The following KIF16B variants were observed in gnomAD, a reference collection of about 807,000 sequenced individuals.
KIF16B encodes the protein kinesin family member 16B.
KIF16B carries 98 observed loss-of-function variants against 156.3 expected under a neutral mutation model. The ratio of observed to expected loss-of-function variants is 0.63; its 90% CI spans 0.53 to 0.74. KIF16B has a LOEUF of 0.74. Ranked by LOEUF, KIF16B falls within the 30% of genes least tolerant of loss-of-function variation. The pLI is 0.00. For synonymous variants in KIF16B, 564 were observed against 583.7 expected, an observed-to-expected ratio of 0.97 and a Z score of 0.49; for missense variants, 1,421 against 1,606.5, an observed-to-expected ratio of 0.88 and a Z score of 1.97.
chr20:16,462,197 T>C (rs6043965), intron 12 of KIF16B, among the ~76,000 whole-genome samples: 50,881 of 151,692 alleles, frequency 0.34, 9,524 homozygotes, highest in African/African-American at 0.5. Flanking sequence ...GCCAAGATTG[T>C]GCCATTGCAC....
At chr20:16,508,639 G>A (rs534573108) in intron 6 of KIF16B, among the ~76,000 whole-genome samples, 5 of 152,188 alleles carry the variant, frequency 3.3e-5, no homozygotes, top group Middle Eastern at 6.8e-3. Context: ...AGATAGTAAC[G>A]CTTGCTCCCT....
At chr20:16,283,821 G>C (rs1219933882) in intron 25 of KIF16B, among the ~76,000 whole-genome samples, 1 of 152,126 alleles carries the variant, frequency 6.6e-6, no homozygotes, top group Non-Finnish European at 1.5e-5. Flanking sequence ...GGAAGCCCTG[G>C]GGAAGAACCA....
In KIF16B at chr20:16,374,258, TG is replaced by T; in HGVS notation, c.3348del (p.Arg1117GlyfsTer20). ...EKSHLVPLMDARINAYIEEEV... is the reference protein window; with the variant it reads ...EKSHLVPLMDXRINAYIEEEV... Reference sequence around the variant, plus strand: ...TGGAATCACTTTCATGTCCAGTACCTGGCATCCATGAGGGGAACCAGGTGTG... The same window carrying T: ...TGGAATCACTTTCATGTCCAGTACCTGCATCCATGAGGGGAACCAGGTGTG... On this transcript the variant is annotated frameshift_variant and splice_region_variant, in exon 20 of 26. Transcript: ENST00000354981. LOFTEE classifies it high-confidence loss of function. The T allele has an allele frequency of 6.4e-7, 1 of 1,566,276 alleles. No individual in the cohort carries two copies. Among genetic ancestry groups the T allele is most frequent in the Non-Finnish European group, 8.7e-7 (1 of 1,153,260 alleles).
At chr20:16,484,328 T>C (rs1263364651) in intron 12 of KIF16B, among the ~76,000 whole-genome samples, 1 of 152,234 alleles carries the variant, frequency 6.6e-6, no homozygotes, top group Non-Finnish European at 1.5e-5. Context: ...TGGGAATAGC[T>C]CAGCTCAGCC....
intron 10 of KIF16B, among the ~76,000 whole-genome samples, chr20:16,502,433 T>A (rs1000789583): frequency 6.6e-6 from 1 of 152,224 alleles, no homozygotes; most frequent in Admixed American, 6.5e-5. Context: ...CATAGCACGA[T>A]AAATTATTTT....
chr20:16,338,939 T>C (rs2064091256), intron 23 of KIF16B, among the ~76,000 whole-genome samples: 2 of 152,262 alleles, frequency 1.3e-5, no homozygotes, highest in South Asian at 4.2e-4. Flanking sequence ...CAGGGAATAA[T>C]GGGAAGAAAT....
intron 23 of KIF16B, among the ~76,000 whole-genome samples, chr20:16,340,632 G>C (rs2064124094): frequency 6.6e-6 from 1 of 152,192 alleles, no homozygotes; most frequent in African/African-American, 2.4e-5. Context: ...ACAAAATCAG[G>C]ATAAAGGAAC....
In KIF16B at chr20:16,573,413, T is replaced by G; in HGVS notation, c.-138A>C. 8.5e-6 allele frequency: 8 copies of G among 943,344 alleles called. No homozygotes were observed. Among genetic ancestry groups the G allele is most frequent in the Non-Finnish European group, 1.1e-5 (7 of 630,658 alleles). 58.4% of individuals were successfully genotyped at this position (943,344 alleles called of 1,614,324 possible). A position where few individuals can be genotyped will look rare whatever the true frequency, so the allele number is the denominator to read the frequency against. ...CCTCTGCTCCCGGCCGGACCTGGAG[T>G]TCCGCGGCAGCCCCACCTGCCAGGC... On this transcript the variant is annotated 5_prime_UTR_variant, in exon 1 of 26. Transcript: ENST00000354981.
At chr20:16,445,445 T>TGTGTGTGTGTGTG (rs1568542633) in intron 12 of KIF16B, among the ~76,000 whole-genome samples, 1 of 151,316 alleles carries the variant, frequency 6.6e-6, no homozygotes, top group African/African-American at 2.4e-5. Context: ...TGTGTGTGTG[T>TGTGTGTGTGTGTG]TTTAATCTAA....
chr20:16,502,430 C>T lies in KIF16B; in HGVS notation c.1176+1942G>A, dbSNP rs578005689. 1.4e-4 allele frequency among the ~76,000 whole-genome samples: 21 copies of T among 152,070 alleles called. No homozygotes were observed. The South Asian group carries it at 3.9e-3, about 29-fold the overall frequency. ...CAAAACAATTTACAGCTTCATAGCA[C>T]GATAAATTATTTTAAATTGGATTCA... On this transcript the variant is annotated intron_variant, in intron 10 of 25. Transcript: ENST00000354981.
chr20:16,344,114 A>C (rs891312727), intron 23 of KIF16B, among the ~76,000 whole-genome samples: 4 of 152,198 alleles, frequency 2.6e-5, no homozygotes, highest in Admixed American at 1.3e-4. Flanking sequence ...ATTCTACTGA[A>C]AGTCTTATGC....
intron 12 of KIF16B, among the ~76,000 whole-genome samples, chr20:16,487,643 T>A (rs2068160268): frequency 6.6e-6 from 1 of 152,158 alleles, no homozygotes; most frequent in Non-Finnish European, 1.5e-5. Flanking sequence ...ACTCAGAACA[T>A]CTTAAGCCGG....
intron 22 of KIF16B, chr20:16,366,750 G>A (rs1485291144): frequency 5.2e-6 from 4 of 767,412 alleles, no homozygotes; most frequent in East Asian, 1.2e-4. Flanking sequence ...CTGCTAGACT[G>A]GGCACTTTTT....
intron 1 of KIF16B, among the ~76,000 whole-genome samples, chr20:16,555,331 A>G (rs1257227327): frequency 6.7e-6 from 1 of 149,884 alleles, no homozygotes; most frequent in Non-Finnish European, 1.5e-5. Flanking sequence ...CAGAAGACAG[A>G]GTGCCACGTA....
At chr20:16,297,457 C>T (rs1328352910) in intron 25 of KIF16B, among the ~76,000 whole-genome samples, 1 of 152,170 alleles carries the variant, frequency 6.6e-6, no homozygotes, top group African/African-American at 2.4e-5. Flanking sequence ...CTTGGGGAGG[C>T]TGAGGCGGGC....
At chr20:16,448,666 C>A (rs754808961) in intron 12 of KIF16B, among the ~76,000 whole-genome samples, 3 of 152,176 alleles carry the variant, frequency 2.0e-5, no homozygotes, top group African/African-American at 7.2e-5. Context: ...CAGCAAGCAA[C>A]AACCACTGGC....
chr20:16,434,064 A>T (rs1042996887), intron 12 of KIF16B, among the ~76,000 whole-genome samples: 4 of 151,628 alleles, frequency 2.6e-5, no homozygotes, highest in Admixed American at 2.0e-4. Context: ...TATTTGGATT[A>T]AAAAAAAACC....
intron 1 of KIF16B, among the ~76,000 whole-genome samples, chr20:16,545,555 C>T (rs931116078): frequency 2.6e-5 from 4 of 152,108 alleles, no homozygotes; most frequent in African/African-American, 2.4e-5. Context: ...ATCTCAACTA[C>T]TCAGGAGGCT....
intron 12 of KIF16B, among the ~76,000 whole-genome samples, chr20:16,451,848 T>C (rs1377254495): frequency 6.6e-6 from 1 of 152,208 alleles, no homozygotes; most frequent in Non-Finnish European, 1.5e-5. Flanking sequence ...TGTTTACCTA[T>C]TTTAAAAGGA....
Sources: gnomAD v4.1 joint callset for allele counts (sites outside exome capture counted in the v4.1 genomes callset) on GRCh38, gnomAD v4.1.1 for gene constraint, MANE v1.5 for transcripts, NCBI Gene and HGNC (gene_info 2026-07-23, HGNC 2026-07-21) for gene names.